NME9: variants seen among roughly 807,000 people sequenced by gnomAD.
NME9 encodes thioredoxin domain-containing protein 6.
NME9 carries 48 observed loss-of-function variants against 44.4 expected under a neutral mutation model. That is an observed-to-expected ratio of 1.08 (90% CI 0.86 to 1.37). The LOEUF is 1.37. NME9 is among the 40% of genes most tolerant of loss of function. The pLI is 0.00. For synonymous variants in NME9, 139 were observed against 147.1 expected (o/e 0.94, Z 0.40); for missense variants, 325 against 405.2 (o/e 0.80, Z 1.70).
At chr3:138,307,126 G>A (rs745990480) in intron 6 of NME9, among the ~76,000 whole-genome samples, 60 of 152,176 alleles carry the variant, frequency 3.9e-4, no homozygotes, top group Non-Finnish European at 5.6e-4. Context: ...GTCTGTCTCC[G>A]TTCAAGTTCT....
intron 10 of NME9, among the ~76,000 whole-genome samples, chr3:138,302,214 G>T (rs1015937519): frequency 2.0e-5 from 3 of 152,136 alleles, no homozygotes; most frequent in Admixed American, 6.5e-5. Context: ...GAATAAATGG[G>T]CAGAACAGCA....
rs78821474 is a variant in NME9 at position 138,304,330 on chromosome 3, G to T, written c.791+543C>A. On this transcript the variant is annotated intron_variant, in intron 9 of 10. Transcript: ENST00000333911. ...GTTGTCTGGGCCTGTCAGCTTCAAAGGCCAAGGTAAAGTGGATTTGGATTG... is the reference window on the plus strand; with the variant it reads ...GTTGTCTGGGCCTGTCAGCTTCAAATGCCAAGGTAAAGTGGATTTGGATTG... Among the ~76,000 whole-genome samples the T allele has an allele frequency of 6.7e-3, 1,025 of 152,336 alleles. 9 individuals carry two copies. The highest frequency in any genetic ancestry group is 0.024 in the African/African-American group (980 of 41,566).
intron 4 of NME9, 126 bp from the exon 5 acceptor site, chr3:138,315,769 C>A: frequency 1.5e-6 from 1 of 676,568 alleles, no homozygotes; most frequent in Non-Finnish European, 2.5e-6. Context: ...TAGCAGCGTG[C>A]TCACTTCTGC....
chr3:138,296,539 T>C (rs891270999), downstream of NME9: 20 of 151,184 alleles, frequency 1.3e-4, no homozygotes, highest in African/African-American at 4.9e-4. Flanking sequence ...ATTTTCTTTA[T>C]ATAAAAAAAA....
At chr3:138,322,308 C>T (rs975278221) in intron 2 of NME9, among the ~76,000 whole-genome samples, 1 of 149,530 alleles carries the variant, frequency 6.7e-6, no homozygotes, top group African/African-American at 2.5e-5. Context: ...CCCTCTTGGA[C>T]GCCCTGGCTC....
At chr3:138,319,676 G>A (rs1393114547) in intron 2 of NME9, 95 bp from the exon 3 acceptor site, 2 of 687,912 alleles carry the variant, frequency 2.9e-6, no homozygotes, top group Admixed American at 4.5e-5. Context: ...CCCCTCAAAT[G>A]GACATTCATT....
In NME9 at chr3:138,324,862, C is replaced by T. The variant is rs748339004; in HGVS notation, c.91+11G>A. ...AGAATGGATCTAAAAAGTTATTTTA[C>T]TTTGAATTACCAGTTAGTCCTTTGG... On this transcript the variant is annotated intron_variant, in intron 2 of 10. Coordinates refer to ENST00000333911, the MANE Select transcript of NME9 (RefSeq NM_001349018.2). 1.2e-5 allele frequency: 19 copies of T among 1,603,462 alleles called. No homozygotes were observed. The South Asian group carries it at 2.1e-4, about 18-fold the overall frequency.
intron 8 of NME9, among the ~76,000 whole-genome samples, chr3:138,276,711 C>T (rs530387799): frequency 1.3e-5 from 2 of 152,150 alleles, no homozygotes; most frequent in African/African-American, 2.4e-5. Flanking sequence ...ATAAATCTCA[C>T]AAGGATCTGT....
chr3:138,321,536 C>T (rs181103318), intron 2 of NME9, among the ~76,000 whole-genome samples: 1 of 152,342 alleles, frequency 6.6e-6, no homozygotes, highest in African/African-American at 2.4e-5. Flanking sequence ...AAGGGGGACA[C>T]ATTTAAACCA....
At chr3:138,275,195 A>G (rs73227568) in intron 8 of NME9, among the ~76,000 whole-genome samples, 4,419 of 152,318 alleles carry the variant, frequency 0.029, 92 homozygotes, top group Non-Finnish European at 0.044. Flanking sequence ...TTAACACAGG[A>G]CCAGAGATAC....
rs1415903371 is a variant in NME9, at chr3:138,303,660, A to G, written c.792-17T>C. ...GCTCGGAGACTGGGAACATTGGCAA[A>G]ATGTAAAAGAAACAATTGTTTCATT... is the stretch of plus-strand genomic sequence containing the variant. On this transcript the variant is annotated splice_polypyrimidine_tract_variant and intron_variant, in intron 9 of 10. Transcript: ENST00000333911. 6.3e-7 allele frequency: 1 copy of G among 1,583,530 alleles called. No individual in the cohort carries two copies. The highest frequency in any genetic ancestry group is 2.3e-5 in the East Asian group (1 of 44,296).
chr3:138,328,232 G>A (rs1422226846), intron 1 of NME9, among the ~76,000 whole-genome samples: 3 of 152,210 alleles, frequency 2.0e-5, no homozygotes, highest in Admixed American at 2.0e-4. Flanking sequence ...AGATGGGCAA[G>A]CTATAGCCTG....
intron 8 of NME9, among the ~76,000 whole-genome samples, chr3:138,288,763 T>G (rs2050667406): frequency 6.6e-6 from 1 of 150,552 alleles, no homozygotes; most frequent in African/African-American, 2.4e-5. Context: ...TCAGCCTCCC[T>G]AGTAGCTGAG....
intron 6 of NME9, among the ~76,000 whole-genome samples, chr3:138,312,858 C>T (rs114230601): frequency 0.023 from 3,459 of 152,142 alleles, 130 homozygotes; most frequent in African/African-American, 0.078. Flanking sequence ...ACTATCCCTC[C>T]GACAAGGGAT....
chr3:138,269,376 T>C (rs2048567969), intron 8 of NME9, among the ~76,000 whole-genome samples: 1 of 152,194 alleles, frequency 6.6e-6, no homozygotes, highest in African/African-American at 2.4e-5. Context: ...CAAAAATTCA[T>C]GTTCAGTCAA....
chr3:138,312,331 A>G (rs1260445404), intron 6 of NME9, among the ~76,000 whole-genome samples: 1 of 152,216 alleles, frequency 6.6e-6, no homozygotes, highest in Non-Finnish European at 1.5e-5. Flanking sequence ...AGCAAAAATA[A>G]CAAACCTGGA....
intron 8 of NME9, chr3:138,273,219 A>G: frequency 8.3e-7 from 1 of 1,197,762 alleles, no homozygotes; most frequent in Non-Finnish European, 1.2e-6. Context: ...CATGAGTGTG[A>G]TTCAAATGCT....
intron 6 of NME9, among the ~76,000 whole-genome samples, chr3:138,312,548 C>A (rs1385315910): frequency 6.6e-5 from 10 of 152,126 alleles, no homozygotes; most frequent in Admixed American, 6.5e-4. Context: ...AACTGAATAA[C>A]CATATGCAGA....
In NME9 at chr3:138,318,145, T is replaced by C; in HGVS notation, c.267+3A>G. On this transcript the variant is annotated splice_donor_region_variant and intron_variant, in intron 4 of 10. Transcript: ENST00000333911. The stretch of plus-strand genomic sequence containing the variant: ...ATAGTTCTGATTCTGAAAATGTACT[T>C]ACTGCATAAAACAGAAAGGTTGGCT... 1.3e-6 allele frequency: 2 copies of C among 1,571,800 alleles called. No individual in the cohort carries two copies. The highest frequency in any genetic ancestry group is 1.3e-5 in the African/African-American group (1 of 74,266).
Sources: allele counts gnomAD v4.1 joint callset (sites outside exome capture counted in the v4.1 genomes callset), GRCh38; gene constraint gnomAD v4.1.1; transcripts MANE v1.5; gene names NCBI Gene and HGNC (gene_info 2026-07-23, HGNC 2026-07-21).